The following SHROOM3 variants were observed in gnomAD, a reference collection of about 807,000 sequenced individuals.
SHROOM3 encodes protein Shroom3.
In SHROOM3, 47 loss-of-function variants were observed where a neutral mutation model predicts 138.6. The observed-to-expected ratio is 0.34, with a 90% CI of 0.27 to 0.43. The LOEUF (loss-of-function observed/expected upper bound fraction) is 0.43. Among genes scored for constraint, SHROOM3 ranks in the 20% least tolerant of loss-of-function variants. The pLI is 1.00. For missense variants in SHROOM3, 2,491 were observed against 2,596.5 expected (o/e 0.96, Z 0.88); for synonymous variants, 1,062 against 1,063.3 (o/e 1.00, Z 0.02).
intron 5 of SHROOM3, chr4:76,742,232 T>G: frequency 2.3e-6 from 1 of 434,712 alleles, no homozygotes; most frequent in Non-Finnish European, 4.2e-6. Context: ...AATTAGGGAT[T>G]ATCTTTTTTG....
intron 2 of SHROOM3, among the ~76,000 whole-genome samples, chr4:76,594,326 A>G (rs546358749): frequency 1.2e-3 from 189 of 152,344 alleles, no homozygotes; most frequent in Non-Finnish European, 2.1e-3. Flanking sequence ...GGCAGAGAAC[A>G]TAACCTATTG....
intron 2 of SHROOM3, among the ~76,000 whole-genome samples, chr4:76,592,796 T>C (rs567106543): frequency 3.3e-5 from 5 of 152,316 alleles, no homozygotes; most frequent in South Asian, 2.1e-4. Context: ...GTTTGAGTTC[T>C]GATATCAATT....
rs1735891418 is a variant in SHROOM3 at position 76,648,753 on chromosome 4, A to T, written c.324-61403A>T. Among the ~76,000 whole-genome samples the T allele has an allele frequency of 2.6e-5, 4 of 152,356 alleles. No homozygotes were observed. In the South Asian group the frequency reaches 8.3e-4, roughly 32 times the overall value. On this transcript the variant is annotated intron_variant, in intron 2 of 10. Transcript: ENST00000296043. ...GACCATGTAGATGTAAGATTTGATTATAACTTTAGACTTAACTGGAGAAGT... is the reference window on the plus strand; with the variant it reads ...GACCATGTAGATGTAAGATTTGATTTTAACTTTAGACTTAACTGGAGAAGT...
intron 2 of SHROOM3, among the ~76,000 whole-genome samples, chr4:76,690,328 G>A (rs1407450568): frequency 1.3e-5 from 2 of 152,168 alleles, no homozygotes; most frequent in African/African-American, 4.8e-5. Context: ...CTGGGGGTGG[G>A]ATGTATTTCT....
intron 2 of SHROOM3, among the ~76,000 whole-genome samples, chr4:76,704,647 A>C (rs1719998437): frequency 6.6e-6 from 1 of 152,248 alleles, no homozygotes; most frequent in Non-Finnish European, 1.5e-5. Context: ...GGCAGGAGCC[A>C]CGTCACCAGA....
intron 1 of SHROOM3, among the ~76,000 whole-genome samples, chr4:76,539,164 G>C (rs956240620): frequency 2.0e-5 from 3 of 152,054 alleles, no homozygotes; most frequent in Non-Finnish European, 2.9e-5. Flanking sequence ...CATAAATATT[G>C]GTGAGAATTA....
chr4:76,643,072 T>C (rs538260993), intron 2 of SHROOM3, among the ~76,000 whole-genome samples: 56 of 152,106 alleles, frequency 3.7e-4, no homozygotes, highest in African/African-American at 1.3e-3. Context: ...CCGGCCGTAG[T>C]GGTGCATGCC....
At chr4:76,749,179 G>GACACTAT in intron 6 of SHROOM3, 89 bp downstream of exon 6, 4 of 1,259,350 alleles carry the variant, frequency 3.2e-6, no homozygotes, top group Non-Finnish European at 4.6e-6. Context: ...ATTGAAATGT[G>GACACTAT]ATGTCATATA....
At chr4:76,618,539 A>C (rs911391375) in intron 2 of SHROOM3, among the ~76,000 whole-genome samples, 6 of 152,232 alleles carry the variant, frequency 3.9e-5, no homozygotes, top group Admixed American at 2.6e-4. Context: ...AACAGTACAC[A>C]AAGCACTCAT....
intron 6 of SHROOM3, among the ~76,000 whole-genome samples, chr4:76,750,286 G>T (rs10028707): frequency 0.35 from 53,517 of 151,830 alleles, 9,328 homozygotes; most frequent in Non-Finnish European, 0.36. Flanking sequence ...AAGACGGGAC[G>T]AAACAACAAA....
chr4:76,618,208 G>C (rs1429523026), intron 2 of SHROOM3, among the ~76,000 whole-genome samples: 3 of 152,180 alleles, frequency 2.0e-5, no homozygotes, highest in African/African-American at 7.2e-5. Context: ...GGGAGGCTGA[G>C]GTGGAAGGAT....
chr4:76,445,352 G>C (rs149158169), intron 1 of SHROOM3, among the ~76,000 whole-genome samples: 1 of 152,124 alleles, frequency 6.6e-6, no homozygotes, highest in Non-Finnish European at 1.5e-5. Context: ...GTTTGTATAT[G>C]CTAATTTCAG....
intron 2 of SHROOM3, among the ~76,000 whole-genome samples, chr4:76,582,631 A>G (rs1734074609): frequency 6.6e-6 from 1 of 152,224 alleles, no homozygotes; most frequent in African/African-American, 2.4e-5. Context: ...GATGTGCTTG[A>G]GTAGATGAGC....
intron 2 of SHROOM3, among the ~76,000 whole-genome samples, chr4:76,582,642 T>G (rs1734074811): frequency 6.6e-6 from 1 of 152,200 alleles, no homozygotes; most frequent in African/African-American, 2.4e-5. Context: ...GTAGATGAGC[T>G]ACTAGCTTTG....
At chr4:76,770,515 A>G in intron 9 of SHROOM3, 111 bp from the exon 10 acceptor site, 2 of 1,265,116 alleles carry the variant, frequency 1.6e-6, no homozygotes, top group Non-Finnish European at 2.2e-6. Context: ...GAGAAGGGGG[A>G]GGATATTCAG....
chr4:76,741,405 C>T lies in SHROOM3; in HGVS notation c.3232C>T (p.Leu1078=), dbSNP rs1366103615. The T allele has an allele frequency of 6.2e-7, 1 of 1,600,486 alleles. No individual in the cohort carries two copies. Residue 1078 remains leucine (L), a synonymous_variant, in exon 5 of 11, where the codon CTG becomes TTG. Transcript: ENST00000296043. The surrounding 1 kb of genome is among the most constrained non-coding windows in gnomAD (Gnocchi z 6.2). ...CACGCTCAGCCTGTCGGGGCCCGAG[C>T]TGAAGCAGTTCCAGCAGAGCGCCCT... ...CSTLSLSGPE[L]KQFQQSALAD...
At chr4:76,709,695 A>G in intron 2 of SHROOM3, 1 of 250,084 alleles carries the variant, frequency 4.0e-6, no homozygotes, top group South Asian at 4.9e-5. Flanking sequence ...TGAACAGAGC[A>G]AGGCCTGTTA....
At chr4:76,544,625 G>C (rs183644468) in intron 1 of SHROOM3, among the ~76,000 whole-genome samples, 1 of 152,038 alleles carries the variant, frequency 6.6e-6, no homozygotes, top group Admixed American at 6.5e-5. Flanking sequence ...TTGAACTTCT[G>C]GCCTAAAGTG....
chr4:76,590,116 G>T (rs141239017), intron 2 of SHROOM3, among the ~76,000 whole-genome samples: 10 of 152,210 alleles, frequency 6.6e-5, no homozygotes, highest in African/African-American at 1.4e-4. Context: ...CTCTTAACTG[G>T]ATCACTCTGT....
Sources: gnomAD v4.1 joint callset for allele counts (sites outside exome capture counted in the v4.1 genomes callset) on GRCh38, gnomAD v4.1.1 for gene constraint, Gnocchi (gnomAD v3.1) non-coding constraint, MANE v1.5 for transcripts, NCBI Gene and HGNC (gene_info 2026-07-23, HGNC 2026-07-21) for gene names.